FREM2: variants seen among roughly 807,000 people sequenced by gnomAD.
The protein encoded by FREM2 is FRAS1 related extracellular matrix 2.
FREM2 carries 119 observed loss-of-function variants against 219.9 expected under a neutral mutation model. The observed-to-expected ratio is 0.54, with a 90% CI of 0.47 to 0.63. FREM2 has a LOEUF of 0.63. FREM2 is among the 30% of genes least tolerant of loss of function. FREM2 has a pLI of 0.00. For synonymous variants in FREM2, 1,562 were observed against 1,522.8 expected (o/e 1.03, Z -0.60); for missense variants, 4,030 against 3,993.6 (o/e 1.01, Z -0.25).
Position 38,690,944 on chromosome 13 carries a change from G to T in FREM2, c.3600G>T (p.Val1200=). The part of the protein sequence containing the change: ...QPEMFMREFM[V]MEGMSLVIDT... Reference sequence around the variant, plus strand: ...AGATGTTTATGAGAGAATTTATGGTGATGGAAGGCATGAGTCTGGTAATTG... The same window carrying T: ...AGATGTTTATGAGAGAATTTATGGTTATGGAAGGCATGAGTCTGGTAATTG... The change falls in exon 1 of 24, where the codon GTG becomes GTT. Residue 1200 remains valine (V), a synonymous_variant. Coordinates refer to ENST00000280481, the MANE Select transcript of FREM2 (RefSeq NM_207361.6). 1 of 1,614,166 alleles carries T rather than the reference G, an allele frequency of 6.2e-7. No homozygotes were observed. The highest frequency in any genetic ancestry group is 1.1e-5 in the South Asian group (1 of 91,076).
intron 8 of FREM2, 133 bp downstream of exon 8, chr13:38,848,803 C>A: frequency 1.2e-6 from 1 of 813,764 alleles, no homozygotes; most frequent in Non-Finnish European, 1.9e-6. Context: ...GTAGCACTGT[C>A]GGGGTGGCTT....
intron 2 of FREM2, among the ~76,000 whole-genome samples, chr13:38,718,193 C>T (rs1250526388): frequency 3.9e-5 from 6 of 152,092 alleles, no homozygotes; most frequent in African/African-American, 1.4e-4. Context: ...TTAATGATTG[C>T]TTTGTATTCC....
At chr13:38,754,901 G>GATGATGATGATTATTATTATT (rs56270131) in intron 2 of FREM2, among the ~76,000 whole-genome samples, 11 of 128,664 alleles carry the variant, frequency 8.5e-5, no homozygotes, top group South Asian at 2.9e-4. Flanking sequence ...TGATGATGAT[G>GATGATGATGATTATTATTATT]ATTATTATTA....
chr13:38,846,013 G>A (rs530816656), intron 6 of FREM2, among the ~76,000 whole-genome samples: 2 of 152,212 alleles, frequency 1.3e-5, no homozygotes, highest in South Asian at 4.2e-4. Flanking sequence ...CCTGCAGTCA[G>A]GCCCTGCAGT....
At chr13:38,722,128 TC>T (rs111694151) in intron 2 of FREM2, among the ~76,000 whole-genome samples, 2,028 of 152,216 alleles carry the variant, frequency 0.013, 49 homozygotes, top group African/African-American at 0.047. Context: ...CAAGAGATCT[TC>T]CTGCCTCCGC....
Position 38,687,674 on chromosome 13 carries a change from AGAC to A in FREM2, c.331_333del (p.Asp111del), listed in dbSNP as rs1177323538. 3 of 1,594,546 alleles carry A rather than the reference AGAC, an allele frequency of 1.9e-6. No homozygotes were observed. The African/African-American group carries it at 4.0e-5, about 21-fold the overall frequency. ...GGGACCGCTGCGCGGTTTCGGTACT[AGAC>A]AACGACGCACTGGCCCAGCGACCGG... On this transcript the variant is annotated inframe_deletion, in exon 1 of 24. Transcript: ENST00000280481.
rs1869596552 is a variant in FREM2, at chr13:38,688,300, A to T, written c.956A>T (p.Lys319Met). The change falls in exon 1 of 24, where the codon AAG becomes ATG. Residue 319 changes from lysine (K) to methionine (M), a missense_variant. Physicochemically the swap from Lys to Met is moderately conservative, Grantham distance 95. Around this residue, in one of 2 missense-constraint regions of FREM2, gnomAD observed 3,102 missense variants for 2,950.7 expected, o/e 1.05. Transcript: ENST00000280481. ...GGAGGGGCCGAGAACACTGCACCCA[A>T]GCCCAGTTTCGTGGCCATGATGATG... is the stretch of plus-strand genomic sequence containing the variant. The part of the protein sequence containing the change: ...IRGGAENTAP[K>M]PSFVAMMMME... 1 of 1,614,170 alleles carries T rather than the reference A, an allele frequency of 6.2e-7. No homozygotes were observed. The highest frequency in any genetic ancestry group is 8.5e-7 in the Non-Finnish European group (1 of 1,180,038).
intron 2 of FREM2, among the ~76,000 whole-genome samples, chr13:38,735,911 A>G (rs1245409386): frequency 6.6e-6 from 1 of 152,214 alleles, no homozygotes; most frequent in Non-Finnish European, 1.5e-5. Flanking sequence ...ATGACTCCTC[A>G]CAGTCACAGA....
intron 2 of FREM2, among the ~76,000 whole-genome samples, chr13:38,763,464 CTT>C (rs1163604743): frequency 9.8e-6 from 1 of 102,362 alleles, no homozygotes; most frequent in Non-Finnish European, 1.8e-5. Flanking sequence ...GTTACTTGGG[CTT>C]TTTTTTTTTT....
At chr13:38,742,832 A>G (rs1474663505) in intron 2 of FREM2, among the ~76,000 whole-genome samples, 2 of 152,158 alleles carry the variant, frequency 1.3e-5, no homozygotes, top group African/African-American at 4.8e-5. Flanking sequence ...ATTCTACTGA[A>G]CCAACAACAT....
At chr13:38,745,014 C>T (rs1255697828) in intron 2 of FREM2, among the ~76,000 whole-genome samples, 5 of 152,154 alleles carry the variant, frequency 3.3e-5, no homozygotes, top group Non-Finnish European at 7.3e-5. Context: ...AGTATATATT[C>T]TGGCCCTTGT....
In FREM2 at chr13:38,690,014, C is replaced by A; in HGVS notation, c.2670C>A (p.Phe890Leu). 1 of 1,614,010 alleles carries A rather than the reference C, an allele frequency of 6.2e-7. No individual in the cohort carries two copies. The highest frequency in any genetic ancestry group is 8.5e-7 in the Non-Finnish European group (1 of 1,180,038). Residue 890 changes from phenylalanine (F) to leucine (L), a missense_variant, in exon 1 of 24, where the codon TTC becomes TTA. Physicochemically the swap from Phe to Leu is conservative, Grantham distance 22. Transcript: ENST00000280481. ...SGQILHVGGL[F>L]HLEDIKQGRV... Reference sequence around the variant, plus strand: ...AGATCCTGCATGTAGGGGGTCTCTTCCACTTGGAGGACATAAAACAGGGCC... The same window carrying A: ...AGATCCTGCATGTAGGGGGTCTCTTACACTTGGAGGACATAAAACAGGGCC...
chr13:38,857,740 A>G, intron 12 of FREM2, 135 bp from the exon 13 acceptor site: 1 of 749,666 alleles, frequency 1.3e-6, no homozygotes. Flanking sequence ...GTTGCTCTCC[A>G]GGGGCTCTGA....
In FREM2 at chr13:38,690,564, C is replaced by G; in HGVS notation, c.3220C>G (p.Gln1074Glu). The change falls in exon 1 of 24, where the codon CAG becomes GAG. Residue 1074 changes from glutamine to glutamate, a missense_variant. This residue lies in a region of FREM2 where 3,102 missense variants were observed against 2,950.7 expected (regional missense o/e 1.05). Transcript: ENST00000280481. ...SQAPEIFVGEQLIVMEGDKSV... is the reference protein window; with the variant it reads ...SQAPEIFVGEELIVMEGDKSV... Reference sequence around the variant, plus strand: ...GGCCCCAGAAATCTTTGTAGGTGAACAGTTGATAGTAATGGAAGGTGATAA... The same window carrying G: ...GGCCCCAGAAATCTTTGTAGGTGAAGAGTTGATAGTAATGGAAGGTGATAA... 1 of 1,614,140 alleles carries G rather than the reference C, an allele frequency of 6.2e-7. No homozygotes were observed. Among genetic ancestry groups the G allele is most frequent in the Non-Finnish European group, 8.5e-7 (1 of 1,180,032 alleles).
In FREM2 at chr13:38,688,317, A is replaced by T; in HGVS notation, c.973A>T (p.Met325Leu). ...TGCACCCAAGCCCAGTTTCGTGGCC[A>T]TGATGATGATGGAGGTGGACCAGTT... ...NTAPKPSFVA[M>L]MMMEVDQFVL... The change falls in exon 1 of 24, where the codon ATG becomes TTG. Residue 325 changes from methionine to leucine, a missense_variant. Physicochemically the swap from Met to Leu is conservative, Grantham distance 15. Around this residue, in one of 2 missense-constraint regions of FREM2, gnomAD observed 3,102 missense variants for 2,950.7 expected, o/e 1.05. Transcript: ENST00000280481. The T allele has an allele frequency of 6.2e-7, 1 of 1,614,000 alleles. No homozygotes were observed. The highest frequency in any genetic ancestry group is 8.5e-7 in the Non-Finnish European group (1 of 1,179,952).
chr13:38,688,692 T>C lies in FREM2; in HGVS notation c.1348T>C (p.Tyr450His). The C allele has an allele frequency of 6.2e-7, 1 of 1,613,922 alleles. No individual in the cohort carries two copies. The highest frequency in any genetic ancestry group is 2.2e-5 in the East Asian group (1 of 44,864). Residue 450 changes from tyrosine (Y) to histidine (H), a missense_variant, in exon 1 of 24, where the codon TAT (tyrosine) becomes CAT (histidine). Physicochemically the swap from Tyr to His is moderately conservative, Grantham distance 83. Around this residue, in one of 2 missense-constraint regions of FREM2, gnomAD observed 3,102 missense variants for 2,950.7 expected, o/e 1.05. Transcript: ENST00000280481. ...CACCCGGAATACCGGTCTTATTCTC[T>C]ATGAGGGTCAGTCTCGGCCCCTCAC... ...VVTRNTGLILYEGQSRPLTGP... is the reference protein window; with the variant it reads ...VVTRNTGLILHEGQSRPLTGP...
In FREM2 at chr13:38,851,673, C is replaced by G. The variant is rs768789546; in HGVS notation, c.6743-13C>G. On this transcript the variant is annotated splice_polypyrimidine_tract_variant and intron_variant, in intron 10 of 23. Coordinates refer to ENST00000280481, the MANE Select transcript of FREM2 (RefSeq NM_207361.6). ...CTAACAATTTCATTTGTCTTTGTTT[C>G]CCACAATTTTAGAGACTGTTATTAA... 6.3e-7 allele frequency: 1 copy of G among 1,581,412 alleles called. No individual in the cohort carries two copies. The highest frequency in any genetic ancestry group is 1.7e-5 in the Admixed American group (1 of 59,958).
Position 38,769,566 on chromosome 13 carries a change from G to A in FREM2, c.5411-12G>A. ...AATGAAACTAAGAAAATGATATTATGTTTTTGTGAAGGTATTGGCACAAGA... is the reference window on the plus strand; with the variant it reads ...AATGAAACTAAGAAAATGATATTATATTTTTGTGAAGGTATTGGCACAAGA... On this transcript the variant is annotated splice_polypyrimidine_tract_variant and intron_variant, in intron 3 of 23. Coordinates refer to ENST00000280481, the MANE Select transcript of FREM2 (RefSeq NM_207361.6). 1 of 1,597,080 alleles carries A rather than the reference G, an allele frequency of 6.3e-7. No homozygotes were observed. Among genetic ancestry groups the A allele is most frequent in the Non-Finnish European group, 8.6e-7 (1 of 1,164,878 alleles).
chr13:38,841,408 A>G (rs1196777829), intron 6 of FREM2, among the ~76,000 whole-genome samples: 5 of 152,102 alleles, frequency 3.3e-5, no homozygotes, highest in Non-Finnish European at 7.4e-5. Flanking sequence ...GAAACCTCTT[A>G]ACAAACAAAC....
Sources: gnomAD v4.1 joint callset for allele counts (sites outside exome capture counted in the v4.1 genomes callset) on GRCh38, gnomAD v4.1.1 for gene constraint, gnomAD v4.1.1 regional missense constraint, MANE v1.5 for transcripts, NCBI Gene and HGNC (gene_info 2026-07-23, HGNC 2026-07-21) for gene names.